Variants in MCC observed in about 807,000 individuals in gnomAD.
MCC encodes the protein MCC regulator of Wnt signaling pathway.
MCC carries 90 observed loss-of-function variants against 116.2 expected under a neutral mutation model. The ratio of observed to expected loss-of-function variants is 0.77; its 90% CI spans 0.65 to 0.92. MCC has a LOEUF of 0.92. Among genes scored for constraint, MCC ranks in the 40% least tolerant of loss-of-function variants. The pLI is 0.00. For missense variants in MCC, 1,516 were observed against 1,312.2 expected, an observed-to-expected ratio of 1.16 and a Z score of -2.40; for synonymous variants, 578 against 510.5, an observed-to-expected ratio of 1.13 and a Z score of -1.78.
chr5:113,024,553 T>TA lies in MCC; in HGVS notation c.*2748dup, dbSNP rs1338129508. ...ATTCTGAACAGAGATGGTTACTGAC[T>TA]AAAAGGGGGTAACCACTGAGGAAAC... On this transcript the variant is annotated 3_prime_UTR_variant, in exon 19 of 19. Transcript: ENST00000408903. The TA allele has an allele frequency of 6.6e-6, 1 of 152,210 alleles. No homozygotes were observed. Among genetic ancestry groups the TA allele is most frequent in the African/African-American group, 2.4e-5 (1 of 41,460 alleles). 9.4% of individuals were successfully genotyped at this position (152,210 alleles called of 1,614,324 possible).
intron 12 of MCC, among the ~76,000 whole-genome samples, chr5:113,070,880 A>G (rs6866328): frequency 0.34 from 51,712 of 152,086 alleles, 8,785 homozygotes; most frequent in Middle Eastern, 0.39. Context: ...CCTAAATGAA[A>G]TGATATTTAA....
chr5:113,022,796 G>A lies in MCC; in HGVS notation c.*4506C>T, dbSNP rs2112452. 114,160 of 152,136 alleles carry A rather than the reference G, an allele frequency of 0.75. 43,047 individuals are homozygous for A. The highest frequency in any genetic ancestry group is 0.81 in the African/African-American group (33,784 of 41,504). 9.4% of individuals were successfully genotyped at this position (152,136 alleles called of 1,614,324 possible). A position where few individuals can be genotyped will look rare whatever the true frequency, so the allele number is the denominator to read the frequency against. On this transcript the variant is annotated 3_prime_UTR_variant, in exon 19 of 19. Transcript: ENST00000408903. ...TGATATTTCACCTGATTAGCAGATG[G>A]ATGACTGTGGAAAGATGAAGTACTA...
At chr5:113,118,074 G>C (rs1467073769) in intron 6 of MCC, among the ~76,000 whole-genome samples, 1 of 152,224 alleles carries the variant, frequency 6.6e-6, no homozygotes, top group Non-Finnish European at 1.5e-5. Flanking sequence ...CCTTGGACAA[G>C]TGACTTACCC....
At chr5:113,109,729 G>A (rs1423687617) in intron 6 of MCC, among the ~76,000 whole-genome samples, 1 of 152,094 alleles carries the variant, frequency 6.6e-6, no homozygotes, top group African/African-American at 2.4e-5. Context: ...AACAGAAAAC[G>A]GTAACCTTCA....
At chr5:113,083,031 C>A (rs781365921) in intron 10 of MCC, 23 bp from the exon 11 acceptor site, 1 of 1,599,084 alleles carries the variant, frequency 6.3e-7, no homozygotes, top group Non-Finnish European at 8.5e-7. Flanking sequence ...GCATTAATTC[C>A]CCTTTGGAAC....
At chr5:113,393,096 C>T (rs550114280) in intron 1 of MCC, among the ~76,000 whole-genome samples, 1 of 152,098 alleles carries the variant, frequency 6.6e-6, no homozygotes, top group African/African-American at 2.4e-5. Flanking sequence ...GTAATAAAAA[C>T]AAGGTCAAGA....
At chr5:113,258,478 A>G (rs565649853) in intron 3 of MCC, among the ~76,000 whole-genome samples, 15 of 152,360 alleles carry the variant, frequency 9.8e-5, no homozygotes, top group African/African-American at 3.1e-4. Flanking sequence ...CAGATTAACC[A>G]CAGTATTAGA....
chr5:113,081,660 T>G (rs986275748), intron 11 of MCC, among the ~76,000 whole-genome samples: 2 of 152,178 alleles, frequency 1.3e-5, no homozygotes, highest in Admixed American at 6.5e-5. Context: ...CCCAGGGCAG[T>G]GATACTGAAA....
intron 2 of MCC, among the ~76,000 whole-genome samples, chr5:113,355,314 AC>A (rs969044695): frequency 6.6e-6 from 1 of 152,108 alleles, no homozygotes; most frequent in Non-Finnish European, 1.5e-5. Flanking sequence ...TATTTCTATT[AC>A]CTTTTAAAAC....
At chr5:113,104,128 G>C (rs1756590943) in intron 7 of MCC, 64 bp downstream of exon 7, 2 of 1,450,522 alleles carry the variant, frequency 1.4e-6, no homozygotes, top group East Asian at 4.7e-5. Flanking sequence ...CACTTCAAGA[G>C]AAGGATTGGA....
intron 1 of MCC, among the ~76,000 whole-genome samples, chr5:113,396,472 A>G (rs1769526381): frequency 8.4e-6 from 1 of 119,512 alleles, no homozygotes. Context: ...CTCTACTAAC[A>G]ATACAAAAAA....
In MCC at chr5:113,157,994, G is replaced by C. The variant is rs1760267955; in HGVS notation, c.628-6572C>G. 2.0e-5 allele frequency among the ~76,000 whole-genome samples: 3 copies of C among 152,340 alleles called. No individual in the cohort carries two copies. In the South Asian group the frequency reaches 6.2e-4, roughly 32 times the overall value. On this transcript the variant is annotated intron_variant, in intron 3 of 18. Coordinates refer to ENST00000408903, the MANE Select transcript of MCC (RefSeq NM_001085377.2). The stretch of plus-strand genomic sequence containing the variant: ...TGGCATTTGATGTGATAACCCAGCT[G>C]GCTAATGGGTGGGGAGCACAGACAG...
chr5:113,295,021 G>A lies in MCC; in HGVS notation c.627+45498C>T, dbSNP rs139599255. 8.9e-4 allele frequency: 828 copies of A among 930,762 alleles called. 10 individuals carry two copies. The African/African-American group carries it at 0.014, about 16-fold the overall frequency. 57.7% of individuals were successfully genotyped at this position (930,762 alleles called of 1,614,324 possible). On this transcript the variant is annotated intron_variant, in intron 3 of 18. Coordinates refer to ENST00000408903, the MANE Select transcript of MCC (RefSeq NM_001085377.2). ...GGCGGGGCTAGAGGGAGAAAAGGGT[G>A]GGGGCGAGTAGCCTGGAGGCCGAGC...
Position 113,026,783 on chromosome 5 carries a change from C to T in MCC, c.*519G>A, listed in dbSNP as rs1750579617. ...GCCGCCTCTATCTTAAAGTTGAGAC[C>T]CGGGACTTGGAAACCAAAGCCTTGC... On this transcript the variant is annotated 3_prime_UTR_variant, in exon 19 of 19. Coordinates refer to ENST00000408903, the MANE Select transcript of MCC (RefSeq NM_001085377.2). 1 of 153,962 alleles carries T rather than the reference C, an allele frequency of 6.5e-6. No homozygotes were observed. The highest frequency in any genetic ancestry group is 1.4e-5 in the Non-Finnish European group (1 of 69,422). 9.5% of individuals were successfully genotyped at this position (153,962 alleles called of 1,614,324 possible).
At chr5:113,323,121 C>G (rs1767467491) in intron 3 of MCC, 1 of 152,306 alleles carries the variant, frequency 6.6e-6, no homozygotes, top group African/African-American at 2.4e-5. Context: ...CCTGGTGTTT[C>G]AATAGGCCAC....
At chr5:113,257,191 G>T (rs1038314581) in intron 3 of MCC, among the ~76,000 whole-genome samples, 3 of 152,102 alleles carry the variant, frequency 2.0e-5, no homozygotes, top group Non-Finnish European at 2.9e-5. Flanking sequence ...ATGGGCTTTT[G>T]GCATATACTC....
chr5:113,332,612 C>T (rs907956120), intron 3 of MCC, among the ~76,000 whole-genome samples: 18 of 149,206 alleles, frequency 1.2e-4, no homozygotes, highest in African/African-American at 3.8e-4. Context: ...ACATATAAAT[C>T]CAGTAGAAAA....
chr5:113,196,718 A>G (rs1011662026), intron 3 of MCC, among the ~76,000 whole-genome samples: 1 of 152,138 alleles, frequency 6.6e-6, no homozygotes, highest in Non-Finnish European at 1.5e-5. Flanking sequence ...GCGTGGTGGC[A>G]CATGCCTGTA....
chr5:113,281,971 C>T (rs1766063086), intron 3 of MCC, among the ~76,000 whole-genome samples: 1 of 152,162 alleles, frequency 6.6e-6, no homozygotes, highest in African/African-American at 2.4e-5. Context: ...ATTTACTAGG[C>T]ACTGTGATAA....
Sources: allele counts gnomAD v4.1 joint callset (sites outside exome capture counted in the v4.1 genomes callset), GRCh38; gene constraint gnomAD v4.1.1; transcripts MANE v1.5; gene names NCBI Gene and HGNC (gene_info 2026-07-23, HGNC 2026-07-21).